EFCAB6: variants seen among roughly 807,000 people sequenced by gnomAD.
EFCAB6 encodes EF-hand calcium binding domain 6, also known as EF-hand calcium-binding domain-containing protein 6.
A neutral mutation model predicts 169.8 loss-of-function variants in EFCAB6; 156 were observed. That is an observed-to-expected ratio of 0.92 (90% CI 0.81 to 1.05). The LOEUF is 1.05. Ranked by LOEUF, EFCAB6 falls within the 50% of genes least tolerant of loss-of-function variation. The pLI, the probability that EFCAB6 is intolerant of heterozygous loss-of-function variation, is 0.00. For synonymous variants in EFCAB6, 698 were observed against 676.4 expected (o/e 1.03, Z -0.50); for missense variants, 1,800 against 1,829.1 (o/e 0.98, Z 0.29).
chr22:43,758,482 A>T (rs911919007), intron 5 of EFCAB6, among the ~76,000 whole-genome samples: 1 of 152,230 alleles, frequency 6.6e-6, no homozygotes, highest in Non-Finnish European at 1.5e-5. Flanking sequence ...TAATATATTT[A>T]TCCTCCTGCT....
At chr22:43,687,210 A>G (rs1006749676) in intron 11 of EFCAB6, among the ~76,000 whole-genome samples, 14 of 152,236 alleles carry the variant, frequency 9.2e-5, no homozygotes, top group Non-Finnish European at 1.9e-4. Context: ...CACTCTGAGC[A>G]GGTGATGGAG....
chr22:43,760,328 T>C (rs893520100), intron 5 of EFCAB6, among the ~76,000 whole-genome samples: 4 of 152,230 alleles, frequency 2.6e-5, no homozygotes, highest in Admixed American at 1.3e-4. Flanking sequence ...TCTTATAGCC[T>C]TCACTGTCAC....
At chr22:43,801,409 A>C (rs2062708553) in intron 2 of EFCAB6, among the ~76,000 whole-genome samples, 1 of 152,226 alleles carries the variant, frequency 6.6e-6, no homozygotes, top group Non-Finnish European at 1.5e-5. Context: ...TGGTAAAATT[A>C]AGTACACAGA....
intron 22 of EFCAB6, among the ~76,000 whole-genome samples, chr22:43,601,019 TTA>T (rs2052480495): frequency 6.6e-6 from 1 of 152,208 alleles, no homozygotes; most frequent in East Asian, 1.9e-4. Context: ...ATGCTAAGGT[TTA>T]GAAAAAAATT....
At chr22:43,593,057 A>T (rs1287424429) in intron 23 of EFCAB6, among the ~76,000 whole-genome samples, 2 of 141,768 alleles carry the variant, frequency 1.4e-5, no homozygotes, top group African/African-American at 5.3e-5. Flanking sequence ...GTCAGTATAG[A>T]GGAGGAGGTA....
rs574320822 is a variant in EFCAB6, at chr22:43,635,318, T to C, written c.1984-102A>G. 8.9e-4 allele frequency: 767 copies of C among 859,780 alleles called. 2 individuals carry two copies. Among genetic ancestry groups the C allele is most frequent in the Non-Finnish European group, 1.4e-3 (691 of 511,418 alleles). 53.3% of individuals were successfully genotyped at this position (859,780 alleles called of 1,614,324 possible). The stretch of plus-strand genomic sequence containing the variant: ...CTGTGCTGGCTCACAGCAGGGCTCA[T>C]GATTGTTATTTGTCTGACCCCACCC... On this transcript the variant is annotated intron_variant, in intron 17 of 31. Transcript: ENST00000262726.
intron 20 of EFCAB6, among the ~76,000 whole-genome samples, chr22:43,620,226 T>C (rs562996680): frequency 6.6e-6 from 1 of 152,128 alleles, no homozygotes. Context: ...GGTGGATCAC[T>C]TGGACCTGGG....
chr22:43,687,713 C>T, intron 10 of EFCAB6, 132 bp from the exon 11 acceptor site: 1 of 527,746 alleles, frequency 1.9e-6, no homozygotes. Flanking sequence ...CTAATATAAA[C>T]AAAATCACTT....
intron 17 of EFCAB6, among the ~76,000 whole-genome samples, chr22:43,655,591 C>G (rs1464112730): frequency 1.3e-5 from 2 of 149,960 alleles, no homozygotes; most frequent in Non-Finnish European, 3.0e-5. Flanking sequence ...CATGAGACAG[C>G]CGGGTCAAAT....
rs137824 is a variant in EFCAB6 at position 43,708,089 on chromosome 22, T to TAAAAAAAAAAA, written c.1031+3375_1031+3385dup. On this transcript the variant is annotated intron_variant, in intron 10 of 31. Transcript: ENST00000262726. The stretch of plus-strand genomic sequence containing the variant: ...GAAAAAAAAGAGTGATAAAGAAAAC[T>TAAAAAAAAAAA]AAAAAAAAAAAAAAAAAAAAGAAAG... 4.3e-5 allele frequency among the ~76,000 whole-genome samples: 5 copies of TAAAAAAAAAAA among 115,518 alleles called. 1 individual carries two copies. The highest frequency in any genetic ancestry group is 2.3e-4 in the East Asian group (1 of 4,390). The allele number at this position is 115,518 out of a possible 152,430, so 75.8% of individuals were successfully genotyped here.
At chr22:43,742,327 T>C (rs1380508635) in intron 6 of EFCAB6, among the ~76,000 whole-genome samples, 1 of 152,234 alleles carries the variant, frequency 6.6e-6, no homozygotes, top group African/African-American at 2.4e-5. Flanking sequence ...CATTTACATA[T>C]CGTCTAGGGA....
chr22:43,785,670 T>C (rs1052411574), intron 2 of EFCAB6, among the ~76,000 whole-genome samples: 6 of 151,876 alleles, frequency 4.0e-5, no homozygotes, highest in Non-Finnish European at 8.8e-5. Flanking sequence ...GGAGCAGAAA[T>C]AAATGAAATC....
intron 19 of EFCAB6, among the ~76,000 whole-genome samples, chr22:43,629,977 G>T: frequency 6.6e-6 from 1 of 152,106 alleles, no homozygotes; most frequent in East Asian, 1.9e-4. Context: ...CTATTTGTGG[G>T]TTGACAGGTT....
chr22:43,750,514 G>A (rs2060720174), intron 6 of EFCAB6, among the ~76,000 whole-genome samples: 1 of 152,184 alleles, frequency 6.6e-6, no homozygotes, highest in Non-Finnish European at 1.5e-5. Flanking sequence ...TCAAATACCT[G>A]CTACAATAGG....
At chr22:43,695,107 A>G (rs1043371713) in intron 10 of EFCAB6, among the ~76,000 whole-genome samples, 1 of 152,034 alleles carries the variant, frequency 6.6e-6, no homozygotes, top group African/African-American at 2.4e-5. Flanking sequence ...CTTACAAGAA[A>G]TCTACAACAA....
intron 26 of EFCAB6, among the ~76,000 whole-genome samples, chr22:43,568,273 G>A (rs1454839997): frequency 6.6e-6 from 1 of 152,194 alleles, no homozygotes; most frequent in Non-Finnish European, 1.5e-5. Context: ...CACACTATAA[G>A]TTACCTTCCT....
chr22:43,698,483 G>C (rs1410593037), intron 10 of EFCAB6, among the ~76,000 whole-genome samples: 1 of 152,176 alleles, frequency 6.6e-6, no homozygotes. Flanking sequence ...TATCCAAGGA[G>C]CTCATTTGTT....
intron 10 of EFCAB6, among the ~76,000 whole-genome samples, chr22:43,697,858 C>G (rs949840918): frequency 6.6e-6 from 1 of 152,174 alleles, no homozygotes; most frequent in Non-Finnish European, 1.5e-5. Context: ...ACTTGTCACA[C>G]TGTTCCCAAA....
At chr22:43,551,950 C>G (rs1349055886) in intron 27 of EFCAB6, 7 of 151,868 alleles carry the variant, frequency 4.6e-5, no homozygotes, top group Non-Finnish European at 8.8e-5. Context: ...GCTTCAGCCT[C>G]CTGAGCAGCT....
Sources: gnomAD v4.1 joint callset for allele counts (sites outside exome capture counted in the v4.1 genomes callset) on GRCh38, gnomAD v4.1.1 for gene constraint, MANE v1.5 for transcripts, NCBI Gene and HGNC (gene_info 2026-07-23, HGNC 2026-07-21) for gene names.